The following ADSS2 variants were observed in gnomAD, a reference collection of about 807,000 sequenced individuals.
ADSS2 encodes adenylosuccinate synthetase isozyme 2.
Under a neutral mutation model 60.0 loss-of-function variants are expected in ADSS2, and 30 were observed. The ratio of observed to expected loss-of-function variants is 0.50; its 90% confidence interval spans 0.37 to 0.68. ADSS2 has a LOEUF of 0.68. ADSS2 is among the 30% of genes least tolerant of loss of function. ADSS2 has a pLI of 0.00. For synonymous variants in ADSS2, 187 were observed against 193.1 expected (o/e 0.97, Z 0.26); for missense variants, 373 against 554.8 (o/e 0.67, Z 3.29).
chr1:244,431,628 C>G (rs979220966), intron 4 of ADSS2, among the ~76,000 whole-genome samples: 3 of 152,134 alleles, frequency 2.0e-5, no homozygotes, highest in African/African-American at 7.2e-5. Context: ...TAACATAAAA[C>G]TGTTTTTCAG....
chr1:244,416,481 C>T (rs1031255375), intron 10 of ADSS2, among the ~76,000 whole-genome samples: 5 of 152,108 alleles, frequency 3.3e-5, no homozygotes, highest in African/African-American at 1.2e-4. Context: ...CCAGGCCCAG[C>T]TAATTGTTTT....
intron 12 of ADSS2, among the ~76,000 whole-genome samples, chr1:244,410,845 T>G (rs1247653713): frequency 2.0e-5 from 3 of 152,246 alleles, no homozygotes; most frequent in Non-Finnish European, 2.9e-5. Flanking sequence ...TGTATCTTCC[T>G]GGGCATTTAT....
intron 7 of ADSS2, among the ~76,000 whole-genome samples, chr1:244,420,755 G>T (rs1246662736): frequency 3.3e-5 from 5 of 152,208 alleles, no homozygotes. Flanking sequence ...CACCCAGGCT[G>T]AAGTACAGTG....
chr1:244,444,242 G>A (rs1305196397), intron 1 of ADSS2, among the ~76,000 whole-genome samples: 6 of 151,908 alleles, frequency 3.9e-5, no homozygotes, highest in East Asian at 1.9e-4. Context: ...CAGGCCGGGC[G>A]CGGTGGCTCA....
At chr1:244,443,661 T>C (rs920034958) in intron 1 of ADSS2, among the ~76,000 whole-genome samples, 1 of 152,224 alleles carries the variant, frequency 6.6e-6, no homozygotes, top group Non-Finnish European at 1.5e-5. Context: ...ACAGTACAGA[T>C]TTCAGACATC....
In ADSS2 at chr1:244,431,970, A is replaced by T. The variant is rs904032677; in HGVS notation, c.406+575T>A. On this transcript the variant is annotated intron_variant, in intron 4 of 12. Coordinates refer to ENST00000366535, the MANE Select transcript of ADSS2 (RefSeq NM_001126.5). ...TAAATACAATTTAAGAGTGCAGATC[A>T]ATCACAGAGAAGTTTCCTACGTGGT... 3.9e-5 allele frequency among the ~76,000 whole-genome samples: 6 copies of T among 152,196 alleles called. No homozygotes were observed. In the East Asian group the frequency reaches 1.2e-3, roughly 29 times the overall value.
chr1:244,438,516 T>C (rs1197856161), intron 1 of ADSS2, among the ~76,000 whole-genome samples: 1 of 152,194 alleles, frequency 6.6e-6, no homozygotes, highest in Non-Finnish European at 1.5e-5. Flanking sequence ...GGAGACTAAA[T>C]ATTAAGTAAC....
At chr1:244,411,865 C>T (rs1664425831) in intron 11 of ADSS2, among the ~76,000 whole-genome samples, 1 of 152,206 alleles carries the variant, frequency 6.6e-6, no homozygotes, top group Non-Finnish European at 1.5e-5. Flanking sequence ...ATCTAGGGTT[C>T]TACTTGAAAT....
chr1:244,448,551 A>C (rs1665450322), intron 1 of ADSS2, among the ~76,000 whole-genome samples: 2 of 152,228 alleles, frequency 1.3e-5, no homozygotes, highest in South Asian at 4.1e-4. Context: ...TGTCATTATA[A>C]CCAAGACCAC....
At chr1:244,415,312 G>A (rs996203715) in intron 11 of ADSS2, among the ~76,000 whole-genome samples, 9 of 152,124 alleles carry the variant, frequency 5.9e-5, no homozygotes, top group African/African-American at 2.2e-4. Flanking sequence ...GTCCTACAAT[G>A]GCAGTAGATA....
At chr1:244,437,514 T>G (rs1287853962) in intron 2 of ADSS2, 152 bp downstream of exon 2, 8 of 607,218 alleles carry the variant, frequency 1.3e-5, no homozygotes, top group Non-Finnish European at 2.3e-5. Context: ...GCCAAAGTCA[T>G]GTATATTCCA....
intron 1 of ADSS2, among the ~76,000 whole-genome samples, chr1:244,447,432 C>T (rs1376051691): frequency 2.0e-5 from 3 of 152,130 alleles, no homozygotes; most frequent in Non-Finnish European, 2.9e-5. Context: ...GTCTCATACA[C>T]GTTTAAAAAC....
chr1:244,439,028 C>T (rs1039134812), intron 1 of ADSS2, among the ~76,000 whole-genome samples: 2 of 152,120 alleles, frequency 1.3e-5, no homozygotes, highest in African/African-American at 4.8e-5. Context: ...TCTCCCCACC[C>T]CATACCCCAC....
At chr1:244,428,071 T>C (rs181565442) in intron 4 of ADSS2, among the ~76,000 whole-genome samples, 2 of 152,272 alleles carry the variant, frequency 1.3e-5, no homozygotes, top group Admixed American at 6.5e-5. Context: ...AATACACACA[T>C]AGAAAATCAG....
rs1057474091 is a variant in ADSS2 at position 244,411,520 on chromosome 1, CTT to C, written c.1169-86_1169-85del. 12 of 1,384,792 alleles carry C rather than the reference CTT, an allele frequency of 8.7e-6. No individual in the cohort carries two copies. In the African/African-American group the frequency reaches 1.8e-4, roughly 20 times the overall value. 85.8% of individuals were successfully genotyped at this position (1,384,792 alleles called of 1,614,324 possible). A position where few individuals can be genotyped will look rare whatever the true frequency, so the allele number is the denominator to read the frequency against. ...TTGATATATTGTAGGTTCAAAATGT[CTT>C]TTCAAAATCTTTGGAGCCACATATG... is the stretch of plus-strand genomic sequence containing the variant. On this transcript the variant is annotated intron_variant, in intron 11 of 12. Transcript: ENST00000366535.
At chr1:244,443,053 T>C (rs1665287610) in intron 1 of ADSS2, among the ~76,000 whole-genome samples, 1 of 152,204 alleles carries the variant, frequency 6.6e-6, no homozygotes, top group South Asian at 2.1e-4. Flanking sequence ...CTGTGTAATA[T>C]GTGCCAGGAT....
At chr1:244,433,565 T>G (rs1665003835) in intron 3 of ADSS2, among the ~76,000 whole-genome samples, 2 of 152,098 alleles carry the variant, frequency 1.3e-5, no homozygotes, top group Non-Finnish European at 1.5e-5. Flanking sequence ...AAGATAGTTA[T>G]AACAAATATG....
intron 11 of ADSS2, among the ~76,000 whole-genome samples, chr1:244,414,601 ATTTACTCCACTAACCTTCC>A (rs1311554810): frequency 2.0e-5 from 3 of 152,200 alleles, no homozygotes; most frequent in Non-Finnish European, 4.4e-5. Flanking sequence ...ATAGGGGCTA[ATTTACTCCACTAACCTTCC>A]TCTTATAAGT....
intron 1 of ADSS2, among the ~76,000 whole-genome samples, chr1:244,440,237 G>A (rs181214081): frequency 2.4e-4 from 37 of 152,222 alleles, no homozygotes; most frequent in Admixed American, 2.0e-3. Context: ...GCCCCATTCT[G>A]CCCGATTCAC....
Sources: gnomAD v4.1 joint callset for allele counts (sites outside exome capture counted in the v4.1 genomes callset) on GRCh38, gnomAD v4.1.1 for gene constraint, MANE v1.5 for transcripts, NCBI Gene and HGNC (gene_info 2026-07-23, HGNC 2026-07-21) for gene names.